NDC1: variants seen among roughly 807,000 people sequenced by gnomAD.
The protein encoded by NDC1 is NDC1 transmembrane nucleoporin, also known as nucleoporin NDC1.
NDC1 carries 24 observed loss-of-function variants against 89.8 expected under a neutral mutation model. The observed-to-expected ratio is 0.27, with a 90% CI of 0.19 to 0.38. The LOEUF is 0.38. NDC1 is among the 10% of genes least tolerant of loss of function. The pLI is 1.00. For missense variants in NDC1, 728 were observed against 797.6 expected (o/e 0.91, Z 1.05); for synonymous variants, 296 against 284.8 (o/e 1.04, Z -0.39).
chr1:53,833,974 G>A (rs1160788548), intron 2 of NDC1, among the ~76,000 whole-genome samples: 1 of 151,924 alleles, frequency 6.6e-6, no homozygotes, highest in Non-Finnish European at 1.5e-5. Flanking sequence ...GGGACTACAG[G>A]TGCATGCCAC....
At chr1:53,770,054 T>A (rs1647098919) in intron 17 of NDC1, among the ~76,000 whole-genome samples, 1 of 152,218 alleles carries the variant, frequency 6.6e-6, no homozygotes, top group Non-Finnish European at 1.5e-5. Context: ...TAACATTCTT[T>A]CCACTATACG....
chr1:53,789,081 A>C (rs1231992286), intron 15 of NDC1, 52 bp downstream of exon 15: 1 of 1,158,866 alleles, frequency 8.6e-7, no homozygotes, highest in African/African-American at 1.5e-5. Context: ...ATTATACTTC[A>C]ATATTTAACT....
intron 6 of NDC1, among the ~76,000 whole-genome samples, chr1:53,815,914 C>T (rs534175118): frequency 3.3e-5 from 5 of 152,032 alleles, no homozygotes; most frequent in Non-Finnish European, 7.4e-5. Context: ...AAGATCTCTA[C>T]AAGGAAAACT....
At chr1:53,773,472 T>G (rs1647136384) in intron 16 of NDC1, among the ~76,000 whole-genome samples, 1 of 152,198 alleles carries the variant, frequency 6.6e-6, no homozygotes, top group African/African-American at 2.4e-5. Flanking sequence ...AAGCTGATTT[T>G]CCCCCTTTGC....
chr1:53,776,266 C>G (rs549411979), intron 16 of NDC1, among the ~76,000 whole-genome samples: 91 of 152,124 alleles, frequency 6.0e-4, no homozygotes, highest in African/African-American at 2.1e-3. Context: ...CCTGAAATTC[C>G]TCTTATATGA....
At chr1:53,769,582 A>G (rs1383303393) in intron 17 of NDC1, among the ~76,000 whole-genome samples, 1 of 152,224 alleles carries the variant, frequency 6.6e-6, no homozygotes, top group African/African-American at 2.4e-5. Flanking sequence ...AATGTCTCCA[A>G]TGAGTGGGCT....
chr1:53,834,153 T>C (rs1265831999), intron 2 of NDC1, among the ~76,000 whole-genome samples: 3 of 152,214 alleles, frequency 2.0e-5, no homozygotes, highest in African/African-American at 4.8e-5. Flanking sequence ...ATGAGGAAAA[T>C]GGCATAAATC....
intron 5 of NDC1, among the ~76,000 whole-genome samples, chr1:53,825,404 G>A (rs1368536637): frequency 3.4e-5 from 5 of 145,628 alleles, no homozygotes; most frequent in South Asian, 2.1e-4. Flanking sequence ...GCAGTGAGCC[G>A]AGATTGCGCC....
At chr1:53,778,631 C>A (rs903384752) in intron 16 of NDC1, among the ~76,000 whole-genome samples, 2 of 151,380 alleles carry the variant, frequency 1.3e-5, no homozygotes, top group African/African-American at 4.8e-5. Context: ...TGACTTAAAA[C>A]ACTAAGTAAA....
At chr1:53,828,599 ATTTT>A (rs985121363) in intron 3 of NDC1, among the ~76,000 whole-genome samples, 3 of 149,034 alleles carry the variant, frequency 2.0e-5, no homozygotes, top group Non-Finnish European at 4.5e-5. Flanking sequence ...TTATTTATTT[ATTTT>A]ATTTTATTTT....
chr1:53,829,503 C>T (rs1648982583), intron 3 of NDC1, among the ~76,000 whole-genome samples: 1 of 152,256 alleles, frequency 6.6e-6, no homozygotes, highest in African/African-American at 2.4e-5. Flanking sequence ...GCAAGTGGTG[C>T]TCCTATACAA....
Position 53,820,226 on chromosome 1 carries a change from GCCTGGGCA to G in NDC1, c.595-1155_595-1148del, listed in dbSNP as rs1464955297. Among the ~76,000 whole-genome samples the G allele has an allele frequency of 2.0e-5, 3 of 151,826 alleles. No individual in the cohort carries two copies. In the East Asian group the frequency reaches 5.8e-4, roughly 29 times the overall value. ...GCCAAGACTGCACCACTGCACTCCAGCCTGGGCAACAGAGTGAGACTCTGTCTCAAAAA... is the reference window on the plus strand; with the variant it reads ...GCCAAGACTGCACCACTGCACTCCAGACAGAGTGAGACTCTGTCTCAAAAA... On this transcript the variant is annotated intron_variant, in intron 5 of 17. Coordinates refer to ENST00000371429, the MANE Select transcript of NDC1 (RefSeq NM_018087.5).
intron 6 of NDC1, among the ~76,000 whole-genome samples, chr1:53,817,711 T>C (rs1367676337): frequency 1.3e-5 from 2 of 152,158 alleles, no homozygotes; most frequent in Non-Finnish European, 2.9e-5. Context: ...AAGAGCTATG[T>C]AGAAATGGAC....
intron 4 of NDC1, 34 bp downstream of exon 4, chr1:53,827,965 T>A: frequency 6.6e-7 from 1 of 1,519,602 alleles, no homozygotes; most frequent in South Asian, 1.3e-5. Context: ...AGTAAGTAAA[T>A]GAGATTCCTA....
rs1647888186 is a variant in NDC1 at position 53,800,854 on chromosome 1, A to G, written c.1067-6T>C. Reference sequence around the variant, plus strand: ...CCAATTGTGGGGATGTCCACCTAGGAGGTCCAAACACCAGCTTTTAAAATG... The same window carrying G: ...CCAATTGTGGGGATGTCCACCTAGGGGGTCCAAACACCAGCTTTTAAAATG... On this transcript the variant is annotated splice_region_variant and splice_polypyrimidine_tract_variant and intron_variant, in intron 10 of 17. Transcript: ENST00000371429. The G allele has an allele frequency of 3.2e-6, 5 of 1,571,528 alleles. No homozygotes were observed. The South Asian group carries it at 5.9e-5, about 19-fold the overall frequency.
chr1:53,828,824 C>G (rs1022924336), intron 3 of NDC1, among the ~76,000 whole-genome samples: 6 of 151,786 alleles, frequency 4.0e-5, no homozygotes, highest in Admixed American at 2.6e-4. Flanking sequence ...GTTGGTCAGG[C>G]TGGTCTCAAA....
chr1:53,824,094 C>A (rs1385589958), intron 5 of NDC1, among the ~76,000 whole-genome samples: 1 of 151,658 alleles, frequency 6.6e-6, no homozygotes, highest in East Asian at 1.9e-4. Flanking sequence ...AGTAGCCAGG[C>A]TTGGTGGTGC....
rs776207954 is a variant in NDC1, at chr1:53,791,946, CT to C, written c.1635+1282del. Among the ~76,000 whole-genome samples, 550 of 143,690 alleles carry C rather than the reference CT, an allele frequency of 3.8e-3. 1 individual carries two copies. Among genetic ancestry groups the C allele is most frequent in the Middle Eastern group, 3.6e-3 (1 of 278 alleles). 94.3% of individuals were successfully genotyped at this position (143,690 alleles called of 152,430 possible). On this transcript the variant is annotated intron_variant, in intron 14 of 17. Coordinates refer to ENST00000371429, the MANE Select transcript of NDC1 (RefSeq NM_018087.5). ...CATAGTGAGTTATTTTCCCCTTCTT[CT>C]TTTTTTTTTTTTTGAGACGGCGTCT...
rs1411948785 is a variant in NDC1, at chr1:53,775,423, AT to A, written c.1801-2935del. Among the ~76,000 whole-genome samples the A allele has an allele frequency of 2.0e-5, 3 of 151,454 alleles. No homozygotes were observed. The South Asian group carries it at 6.3e-4, about 32-fold the overall frequency. The stretch of plus-strand genomic sequence containing the variant: ...AGGCGCCCGCAACCACGCCCAGCTA[AT>A]TTTTTCGTATTTTTAGTAGAGATAG... On this transcript the variant is annotated intron_variant, in intron 16 of 17. Coordinates refer to ENST00000371429, the MANE Select transcript of NDC1 (RefSeq NM_018087.5).
Sources: gnomAD v4.1 joint callset for allele counts (sites outside exome capture counted in the v4.1 genomes callset) on GRCh38, gnomAD v4.1.1 for gene constraint, MANE v1.5 for transcripts, NCBI Gene and HGNC (gene_info 2026-07-23, HGNC 2026-07-21) for gene names.